The following SGCD variants were observed in gnomAD, a reference collection of about 807,000 sequenced individuals.
SGCD encodes the protein sarcoglycan delta, also known as delta-sarcoglycan.
In SGCD, 18 loss-of-function variants were observed where a neutral mutation model predicts 36.6. The ratio of observed to expected loss-of-function variants is 0.49; its 90% confidence interval spans 0.34 to 0.73. The LOEUF is 0.73. Ranked by LOEUF, SGCD falls within the 30% of genes least tolerant of loss-of-function variation. The pLI is 0.01. For synonymous variants in SGCD, 133 were observed against 130.6 expected (o/e 1.02, Z -0.12); for missense variants, 387 against 346.7 (o/e 1.12, Z -0.92).
intron 4 of SGCD, among the ~76,000 whole-genome samples, chr5:156,531,689 A>C (rs932227883): frequency 1.6e-4 from 25 of 152,076 alleles, no homozygotes; most frequent in African/African-American, 5.6e-4. Flanking sequence ...CCTTGAAAAA[A>C]CCTTAAATCG....
At chr5:156,056,655 A>AAAAAAAAC (rs1760070283) in intron 1 of SGCD, among the ~76,000 whole-genome samples, 1 of 136,506 alleles carries the variant, frequency 7.3e-6, no homozygotes, top group African/African-American at 2.9e-5. Flanking sequence ...TAAAAAAAAA[A>AAAAAAAAC]AAAAAAAAAA....
At chr5:156,641,471 T>C (rs1763025153) in intron 6 of SGCD, among the ~76,000 whole-genome samples, 1 of 152,220 alleles carries the variant, frequency 6.6e-6, no homozygotes, top group African/African-American at 2.4e-5. Context: ...TATTAGTTTA[T>C]TCATAATTTT....
intron 1 of SGCD, among the ~76,000 whole-genome samples, chr5:155,983,775 T>C (rs1758275777): frequency 6.6e-6 from 1 of 152,202 alleles, no homozygotes; most frequent in Admixed American, 6.5e-5. Context: ...CAATTTTTGG[T>C]AGATGTTAAG....
chr5:156,665,225 G>A (rs943568431), intron 7 of SGCD, among the ~76,000 whole-genome samples: 1 of 152,168 alleles, frequency 6.6e-6, no homozygotes, highest in African/African-American at 2.4e-5. Context: ...CCTGCTGGAA[G>A]AGGACTTGTG....
intron 1 of SGCD, among the ~76,000 whole-genome samples, chr5:155,953,101 C>T (rs997059115): frequency 5.3e-5 from 8 of 152,078 alleles, no homozygotes; most frequent in African/African-American, 9.7e-5. Flanking sequence ...GTTATCAAGC[C>T]TCCTCATGCT....
chr5:156,288,643 A>G (rs972743569), intron 3 of SGCD, among the ~76,000 whole-genome samples: 44 of 152,186 alleles, frequency 2.9e-4, no homozygotes, highest in African/African-American at 1.1e-3. Context: ...ATCAGAAGAA[A>G]TGCTCTTAGT....
intron 3 of SGCD, among the ~76,000 whole-genome samples, chr5:156,223,870 AGT>A (rs1764782588): frequency 6.6e-6 from 1 of 151,998 alleles, no homozygotes; most frequent in Admixed American, 6.6e-5. Context: ...ATCACAACGG[AGT>A]GTGTTTTTCT....
At chr5:156,163,890 G>T (rs1395242105) in intron 3 of SGCD, among the ~76,000 whole-genome samples, 1 of 151,030 alleles carries the variant, frequency 6.6e-6, no homozygotes, top group Non-Finnish European at 1.5e-5. Flanking sequence ...AGGCGTGGTG[G>T]CACGCGCCTG....
intron 1 of SGCD, among the ~76,000 whole-genome samples, chr5:156,024,755 C>T (rs767233294): frequency 2.6e-5 from 4 of 151,952 alleles, no homozygotes; most frequent in South Asian, 2.1e-4. Flanking sequence ...TTTAGGAGTT[C>T]GCAACCAGCC....
chr5:156,263,759 G>A (rs1451912410), intron 3 of SGCD, among the ~76,000 whole-genome samples: 6 of 152,028 alleles, frequency 3.9e-5, no homozygotes, highest in Non-Finnish European at 7.4e-5. Flanking sequence ...ATCTTGAGTT[G>A]ACTTTTGTAT....
intron 3 of SGCD, among the ~76,000 whole-genome samples, chr5:156,297,497 A>T (rs1240425426): frequency 6.6e-6 from 1 of 151,814 alleles, no homozygotes; most frequent in African/African-American, 2.4e-5. Flanking sequence ...AGGGACATGG[A>T]TGAAATTGGA....
At chr5:156,218,526 T>G (rs916777117) in intron 3 of SGCD, among the ~76,000 whole-genome samples, 6 of 152,186 alleles carry the variant, frequency 3.9e-5, no homozygotes, top group African/African-American at 1.2e-4. Context: ...TGAGAAAACT[T>G]AATCACCTTC....
At chr5:156,740,754 T>A (rs1051822478) in intron 7 of SGCD, among the ~76,000 whole-genome samples, 1 of 152,168 alleles carries the variant, frequency 6.6e-6, no homozygotes, top group Non-Finnish European at 1.5e-5. Context: ...AAGAAAAAAA[T>A]TCAAATCAAT....
intron 3 of SGCD, among the ~76,000 whole-genome samples, chr5:156,419,020 G>A (rs1580961813): frequency 6.6e-6 from 1 of 152,084 alleles, no homozygotes; most frequent in African/African-American, 2.4e-5. Context: ...CAAGTAAGCT[G>A]TCTTAACCTA....
At chr5:156,025,312 C>T (rs900730770) in intron 1 of SGCD, among the ~76,000 whole-genome samples, 1 of 152,178 alleles carries the variant, frequency 6.6e-6, no homozygotes, top group Non-Finnish European at 1.5e-5. Context: ...ACTCATATCT[C>T]ATTAGTTGGA....
In SGCD at chr5:156,016,696, G is replaced by A. The variant is rs113728966; in HGVS notation, c.-281-101182G>A. 4.9e-3 allele frequency among the ~76,000 whole-genome samples: 746 copies of A among 152,130 alleles called. 9 individuals are homozygous for A. Among genetic ancestry groups the A allele is most frequent in the African/African-American group, 0.017 (693 of 41,518 alleles). On this transcript the variant is annotated intron_variant, in intron 1 of 9. Transcript: ENST00000517913. ...GCCGTGTTTACTTAAATGTAACTTG[G>A]AACTCACTCTCCATGCACTTCATGG...
At chr5:156,240,092 T>G (rs1022675955) in intron 3 of SGCD, among the ~76,000 whole-genome samples, 1 of 152,188 alleles carries the variant, frequency 6.6e-6, no homozygotes, top group East Asian at 1.9e-4. Flanking sequence ...GTGCTTTTGA[T>G]GTGTGCTAAT....
intron 1 of SGCD, among the ~76,000 whole-genome samples, chr5:155,962,335 G>A (rs576029211): frequency 3.3e-5 from 5 of 152,150 alleles, no homozygotes; most frequent in African/African-American, 1.2e-4. Context: ...TCCTCCCAGA[G>A]CCCCTATCTT....
At chr5:155,751,044 T>G in the SGCD span, among the ~76,000 whole-genome samples, 21 of 152,190 alleles carry the variant, frequency 1.4e-4, no homozygotes, top group Non-Finnish European at 2.4e-4. Context: ...CCGTTTTTGT[T>G]TTTGTTTTAA....
Sources: allele counts gnomAD v4.1 joint callset (sites outside exome capture counted in the v4.1 genomes callset), GRCh38; gene constraint gnomAD v4.1.1; transcripts MANE v1.5; gene names NCBI Gene and HGNC (gene_info 2026-07-23, HGNC 2026-07-21).